Variants in ERV3-1 observed in about 807,000 individuals in gnomAD.
ERV3-1 encodes the protein endogenous retrovirus group 3 member 1, envelope, also known as endogenous retrovirus group 3 member 1 Env polyprotein.
Under a neutral mutation model 24.6 loss-of-function variants are expected in ERV3-1, and 36 were observed. That is an observed-to-expected ratio of 1.47 (90% CI 1.12 to 1.94). ERV3-1 has a LOEUF of 1.94. Among genes scored for constraint, ERV3-1 ranks in the 30% most tolerant of loss-of-function variants. The pLI is 0.00. For missense variants in ERV3-1, 578 were observed against 330.9 expected, an observed-to-expected ratio of 1.75 and a Z score of -5.79; for synonymous variants, 211 against 122.6, an observed-to-expected ratio of 1.72 and a Z score of -4.76.
intron 1 of ERV3-1, among the ~76,000 whole-genome samples, chr7:65,002,686 C>T (rs1333279955): frequency 6.6e-6 from 1 of 152,224 alleles, no homozygotes; most frequent in African/African-American, 2.4e-5. Flanking sequence ...GGCTCCTGAA[C>T]TTTGAGCTAC....
intron 1 of ERV3-1, among the ~76,000 whole-genome samples, chr7:65,001,825 C>T (rs1044646904): frequency 1.3e-5 from 2 of 152,102 alleles, no homozygotes; most frequent in Admixed American, 6.5e-5. Context: ...GAATTATGAC[C>T]CCACTTAAGA....
chr7:64,997,343 C>G (rs1584065503), intron 1 of ERV3-1, among the ~76,000 whole-genome samples: 1 of 152,214 alleles, frequency 6.6e-6, no homozygotes, highest in Admixed American at 6.5e-5. Flanking sequence ...CGCCTGATGT[C>G]TCCCTGGGCC....
chr7:65,006,610 C>T lies in ERV3-1; in HGVS notation c.-458G>A. ...TCCCAATACCTGCAGGTAACGAGGC[C>T]ACAGAAGCTGGGCCTCTAGGAGCAG... is the stretch of plus-strand genomic sequence containing the variant. On this transcript the variant is annotated 5_prime_UTR_variant, in exon 1 of 2. Transcript: ENST00000394323. 2 of 1,563,134 alleles carry T rather than the reference C, an allele frequency of 1.3e-6. No individual in the cohort carries two copies. Among genetic ancestry groups the T allele is most frequent in the Non-Finnish European group, 1.8e-6 (2 of 1,135,516 alleles).
intron 1 of ERV3-1, among the ~76,000 whole-genome samples, chr7:64,995,162 G>C (rs959750888): frequency 6.6e-6 from 1 of 152,222 alleles, no homozygotes; most frequent in African/African-American, 2.4e-5. Flanking sequence ...TGCTCTCTCT[G>C]ATCCATTAAA....
At chr7:64,998,889 C>T (rs1040637252) in intron 1 of ERV3-1, among the ~76,000 whole-genome samples, 2 of 152,164 alleles carry the variant, frequency 1.3e-5, no homozygotes, top group African/African-American at 4.8e-5. Context: ...ATGTTGGTTC[C>T]TTTTGGAACC....
rs1235480405 is a variant in ERV3-1 at position 64,993,150 on chromosome 7, T to C, written c.-124A>G. The C allele has an allele frequency of 1.5e-5, 9 of 606,186 alleles. No individual in the cohort carries two copies. The East Asian group carries it at 2.5e-4, about 17-fold the overall frequency. 37.6% of individuals were successfully genotyped at this position (606,186 alleles called of 1,614,324 possible). A position where few individuals can be genotyped will look rare whatever the true frequency, so the allele number is the denominator to read the frequency against. On this transcript the variant is annotated 5_prime_UTR_variant, in exon 2 of 2. Coordinates refer to ENST00000394323, the MANE Select transcript of ERV3-1 (RefSeq NM_001007253.4). ...TTTCTAACCACATTTACTTCCCTGATGATGACTCAAGCTTCGGCCGTGCAT... is the reference window on the plus strand; with the variant it reads ...TTTCTAACCACATTTACTTCCCTGACGATGACTCAAGCTTCGGCCGTGCAT...
At chr7:65,006,316 A>G (rs1786648663) in intron 1 of ERV3-1, 1 of 695,404 alleles carries the variant, frequency 1.4e-6, no homozygotes, top group East Asian at 2.8e-5. Context: ...AGAACAAGGC[A>G]CAGTCACTGC....
In ERV3-1 at chr7:64,992,834, G is replaced by T. The variant is rs372825689; in HGVS notation, c.193C>A (p.Gln65Lys). 10 of 766,260 alleles carry T rather than the reference G, an allele frequency of 1.3e-5. 1 individual carries two copies. The highest frequency in any genetic ancestry group is 8.5e-5 in the Admixed American group (5 of 59,014). The allele number at this position is 766,260 out of a possible 1,614,324, so 47.5% of individuals were successfully genotyped here. The change falls in exon 2 of 2, where the codon CAG becomes AAG. Residue 65 changes from glutamine (Q) to lysine (K), a missense_variant. Coordinates refer to ENST00000394323, the MANE Select transcript of ERV3-1 (RefSeq NM_001007253.4). ...GTCLGTCTHN[Q>K]TTYSVCDPGR... ...GGGTCACAGACTGAGTAGGTTGTCT[G>T]GTTGTGAGTACAAGTTCCTAGGCAG...
intron 1 of ERV3-1, among the ~76,000 whole-genome samples, chr7:64,996,280 T>G (rs186087799): frequency 9.8e-5 from 15 of 152,294 alleles, no homozygotes; most frequent in African/African-American, 3.6e-4. Context: ...CAGAGCCACT[T>G]TAAATGCTTA....
Position 64,992,262 on chromosome 7 carries a change from C to T in ERV3-1, c.765G>A (p.Glu255=), listed in dbSNP as rs1786288609. 1 of 766,220 alleles carries T rather than the reference C, an allele frequency of 1.3e-6. No individual in the cohort carries two copies. Among genetic ancestry groups the T allele is most frequent in the African/African-American group, 1.7e-5 (1 of 59,086 alleles). The allele number at this position is 766,220 out of a possible 1,614,324, so 47.5% of individuals were successfully genotyped here. The change falls in exon 2 of 2, where the codon GAG becomes GAA. Residue 255 remains glutamate, a synonymous_variant. Transcript: ENST00000394323. ...TRSTQQFRVF[E]SFYEHVNQKL... ...TCTGGTTAACATGCTCATAGAATGA[C>T]TCAAAAACTCGGAACTGTTGGGTTG...
chr7:65,005,909 C>A (rs1786637464), intron 1 of ERV3-1, among the ~76,000 whole-genome samples: 1 of 152,072 alleles, frequency 6.6e-6, no homozygotes, highest in African/African-American at 2.4e-5. Flanking sequence ...TGCCAATTAA[C>A]CTCTCATTAC....
In ERV3-1 at chr7:64,992,771, A is replaced by G; in HGVS notation, c.256T>C (p.Ser86Pro). Residue 86 changes from serine (S) to proline (P), a missense_variant, in exon 2 of 2, where the codon TCT becomes CCT. Coordinates refer to ENST00000394323, the MANE Select transcript of ERV3-1 (RefSeq NM_001007253.4). ...ATTTCAAACCAGGTCCCAGGTGAAG[A>G]CTTAGGGTCATAACACACATAAGGC... ...GQPYVCYDPK[S>P]SPGTWFEIHV... The G allele has an allele frequency of 1.3e-6, 1 of 766,342 alleles. No homozygotes were observed. Among genetic ancestry groups the G allele is most frequent in the Non-Finnish European group, 2.4e-6 (1 of 417,888 alleles). 47.5% of individuals were successfully genotyped at this position (766,342 alleles called of 1,614,324 possible). A position where few individuals can be genotyped will look rare whatever the true frequency, so the allele number is the denominator to read the frequency against.
intron 1 of ERV3-1, chr7:65,006,305 C>G (rs1786648123): frequency 1.5e-6 from 1 of 657,234 alleles, no homozygotes; most frequent in African/African-American, 1.8e-5. Context: ...CAGAGGACTC[C>G]AGAACAAGGC....
At chr7:65,001,168 G>A (rs1275814074) in intron 1 of ERV3-1, among the ~76,000 whole-genome samples, 2 of 152,178 alleles carry the variant, frequency 1.3e-5, no homozygotes, top group Non-Finnish European at 2.9e-5. Context: ...AAATCTGCAT[G>A]TGTACCCCTG....
Position 64,991,770 on chromosome 7 carries a change from C to G in ERV3-1, c.1257G>C (p.Trp419Cys), listed in dbSNP as rs374591378. 5.2e-6 allele frequency: 4 copies of G among 766,034 alleles called. No individual in the cohort carries two copies. In the African/African-American group the frequency reaches 6.8e-5, roughly 13 times the overall value. 47.5% of individuals were successfully genotyped at this position (766,034 alleles called of 1,614,324 possible). The change falls in exon 2 of 2, where the codon TGG (tryptophan) becomes TGC (cysteine). Residue 419 changes from tryptophan (W) to cysteine (C), a missense_variant. Coordinates refer to ENST00000394323, the MANE Select transcript of ERV3-1 (RefSeq NM_001007253.4). The stretch of plus-strand genomic sequence containing the variant: ...GTCGATATGCTTGTGGCCCACAGAT[C>G]CAGTAGAGGCCAGAGGGTGCCTGCC... ...NTWQAPSGLY[W>C]ICGPQAYRQL... is the part of the protein sequence containing the mutation.
At chr7:65,001,581 T>C (rs575867257) in intron 1 of ERV3-1, among the ~76,000 whole-genome samples, 1 of 152,118 alleles carries the variant, frequency 6.6e-6, no homozygotes, top group African/African-American at 2.4e-5. Flanking sequence ...CTATAAGAGC[T>C]CCTTTCCTCT....
chr7:65,000,539 T>C (rs1270841739), intron 1 of ERV3-1, among the ~76,000 whole-genome samples: 5 of 152,202 alleles, frequency 3.3e-5, no homozygotes, highest in Admixed American at 2.0e-4. Context: ...AGCACTTTCA[T>C]AGGCCAAGGC....
intron 1 of ERV3-1, among the ~76,000 whole-genome samples, chr7:64,993,995 T>A (rs1786346343): frequency 6.6e-6 from 1 of 152,220 alleles, no homozygotes; most frequent in African/African-American, 2.4e-5. Context: ...TTCTTAATAG[T>A]ATTTTAGTCA....
intron 1 of ERV3-1, among the ~76,000 whole-genome samples, chr7:64,994,946 A>G (rs1786372783): frequency 6.6e-6 from 1 of 152,210 alleles, no homozygotes; most frequent in African/African-American, 2.4e-5. Context: ...AGTATTCTAC[A>G]TCTGGGTCCT....
Sources: allele counts gnomAD v4.1 joint callset (sites outside exome capture counted in the v4.1 genomes callset), GRCh38; gene constraint gnomAD v4.1.1; transcripts MANE v1.5; gene names NCBI Gene and HGNC (gene_info 2026-07-23, HGNC 2026-07-21).